KIFC3: variants seen among roughly 807,000 people sequenced by gnomAD.
The protein encoded by KIFC3 is kinesin family member C3.
KIFC3 carries 60 observed loss-of-function variants against 101.8 expected under a neutral mutation model. The observed-to-expected ratio is 0.59, with a 90% confidence interval of 0.48 to 0.73. The LOEUF (loss-of-function observed/expected upper bound fraction) is 0.73. KIFC3 is among the 30% of genes least tolerant of loss of function. The pLI is 0.00. For missense variants in KIFC3, 966 were observed against 1,137.1 expected (o/e 0.85, Z 2.16); for synonymous variants, 476 against 482.7 (o/e 0.99, Z 0.18).
chr16:57,857,866 G>A (rs549864602), intron 1 of KIFC3, among the ~76,000 whole-genome samples: 1,124 of 110,122 alleles, frequency 0.01, 7 homozygotes, highest in Non-Finnish European at 0.015. Flanking sequence ...TCTCTCTGTC[G>A]CCCAGGCTGG....
rs2050949852 is a variant in KIFC3 at position 57,769,956 on chromosome 16, C to T, written c.940-1G>A. On this transcript the variant is annotated splice_acceptor_variant, in intron 7 of 19. Transcript: ENST00000445690. LOFTEE classifies it high-confidence loss of function. The surrounding 1 kb of genome is among the most constrained non-coding windows in gnomAD (Gnocchi z 4.3). ...CCAGCTCTGACTCGTACATGGCAATCTGGCCAGACCAGGAAAAGGCTCAGT... is the reference window on the plus strand; with the variant it reads ...CCAGCTCTGACTCGTACATGGCAATTTGGCCAGACCAGGAAAAGGCTCAGT... 6.2e-7 allele frequency: 1 copy of T among 1,611,116 alleles called. No individual in the cohort carries two copies. The highest frequency in any genetic ancestry group is 8.5e-7 in the Non-Finnish European group (1 of 1,179,782).
chr16:57,769,945 T>G lies in KIFC3; in HGVS notation c.950A>C (p.Tyr317Ser), dbSNP rs202151692. Reference sequence around the variant, plus strand: ...ATGGGCCCGCTCCAGCTCTGACTCGTACATGGCAATCTGGCCAGACCAGGA... The same window carrying G: ...ATGGGCCCGCTCCAGCTCTGACTCGGACATGGCAATCTGGCCAGACCAGGA... The part of the protein sequence containing the change: ...TARLRAQIAM[Y>S]ESELERAHGQ... The change falls in exon 8 of 20, where the codon TAC (tyrosine) becomes TCC (serine). Residue 317 changes from tyrosine (Y) to serine (S), a missense_variant. By Grantham distance (144) the Tyr-to-Ser change is moderately radical. Around this residue, in one of 2 missense-constraint regions of KIFC3, gnomAD observed 689 missense variants for 884.6 expected, o/e 0.78. Transcript: ENST00000445690. This position sits in a 1 kb window ranked among gnomAD's most constrained non-coding sequence, Gnocchi z 4.3. 2 of 1,612,394 alleles carry G rather than the reference T, an allele frequency of 1.2e-6. No homozygotes were observed. Among genetic ancestry groups the G allele is most frequent in the Non-Finnish European group, 1.7e-6 (2 of 1,179,952 alleles).
intron 3 of KIFC3, among the ~76,000 whole-genome samples, chr16:57,784,997 T>A (rs1299445941): frequency 6.6e-6 from 1 of 152,172 alleles, no homozygotes; most frequent in Non-Finnish European, 1.5e-5. Context: ...CAAACTAGCA[T>A]CCACCTTTAA....
intron 1 of KIFC3, among the ~76,000 whole-genome samples, chr16:57,854,781 C>T (rs548758778): frequency 6.6e-6 from 1 of 152,282 alleles, no homozygotes; most frequent in African/African-American, 2.4e-5. Flanking sequence ...TAAACCAAAT[C>T]TCAACAAATT....
At chr16:57,764,310 A>T in intron 11 of KIFC3, 63 bp from the exon 12 acceptor site, 1 of 1,011,026 alleles carries the variant, frequency 9.9e-7, no homozygotes, top group Non-Finnish European at 1.5e-6. Flanking sequence ...ACCACCAGCT[A>T]CAAGTCCAGC....
At position 57,790,953 on chromosome 16, in the gene KIFC3, G is replaced by A. The variant is rs530081945; in HGVS notation, c.315+4046C>T. On this transcript the variant is annotated intron_variant, in intron 3 of 19. Transcript: ENST00000445690. ...ACCTCTTATATTTAGGAATATTCCT[G>A]CTGGGCGCAGTGGCTCACACCTGTA... The A allele has an allele frequency of 2.0e-5, 20 of 984,986 alleles. No homozygotes were observed. In the African/African-American group the frequency reaches 2.6e-4, roughly 13 times the overall value. 61.0% of individuals were successfully genotyped at this position (984,986 alleles called of 1,614,324 possible). A position where few individuals can be genotyped will look rare whatever the true frequency, so the allele number is the denominator to read the frequency against.
chr16:57,770,080 AC>A, intron 7 of KIFC3, 125 bp from the exon 8 acceptor site: 1 of 1,163,184 alleles, frequency 8.6e-7, no homozygotes, highest in Non-Finnish European at 1.2e-6. Context: ...ACATGTGCAC[AC>A]CCAGAGGGGC....
chr16:57,854,596 C>G (rs1235688224), intron 1 of KIFC3, among the ~76,000 whole-genome samples: 3 of 150,512 alleles, frequency 2.0e-5, no homozygotes, highest in Non-Finnish European at 4.4e-5. Context: ...CCACTCCACT[C>G]CAGCCTGGGT....
chr16:57,767,085 CTGAG>C, intron 9 of KIFC3, 100 bp from the exon 10 acceptor site: 1 of 849,196 alleles, frequency 1.2e-6, no homozygotes, highest in Non-Finnish European at 1.9e-6. Flanking sequence ...CTGCCCCTGG[CTGAG>C]TACCTGACAC....
upstream of KIFC3, chr16:57,808,085 A>C (rs2054983684): frequency 6.6e-6 from 1 of 152,114 alleles, no homozygotes; most frequent in Admixed American, 6.6e-5. Flanking sequence ...AGTTTAGGGG[A>C]ACCTAAAGCC....
chr16:57,767,671 G>C (rs537172779), intron 9 of KIFC3, among the ~76,000 whole-genome samples: 1 of 152,040 alleles, frequency 6.6e-6, no homozygotes, highest in Non-Finnish European at 1.5e-5. Context: ...GTCTTGCTCT[G>C]TTGCCCAGGC....
chr16:57,858,866 C>T (rs899561172), intron 1 of KIFC3, among the ~76,000 whole-genome samples: 2 of 152,144 alleles, frequency 1.3e-5, no homozygotes, highest in African/African-American at 4.8e-5. Flanking sequence ...ACGAGAATAG[C>T]TTGAACTGGG....
chr16:57,765,285 TA>T (rs2050358216), intron 11 of KIFC3, among the ~76,000 whole-genome samples, 173 bp downstream of exon 11: 1 of 152,068 alleles, frequency 6.6e-6, no homozygotes, highest in African/African-American at 2.4e-5. Flanking sequence ...GCTTCAGTCT[TA>T]ACTTCCCACC....
intron 9 of KIFC3, among the ~76,000 whole-genome samples, chr16:57,768,958 G>A (rs1427284758): frequency 2.0e-5 from 3 of 152,126 alleles, no homozygotes; most frequent in Non-Finnish European, 4.4e-5. Flanking sequence ...CTTGAAGCCA[G>A]GAGTTCAAGA....
At chr16:57,771,481 C>T (rs1597966192) in intron 5 of KIFC3, 44 bp from the exon 6 acceptor site, 5 of 1,610,840 alleles carry the variant, frequency 3.1e-6, no homozygotes, top group Non-Finnish European at 4.2e-6. Flanking sequence ...GGGACAGGCT[C>T]ACTGTGAGGA....
In KIFC3 at chr16:57,840,113, G is replaced by A. The variant is rs60238598; in HGVS notation, c.108+22616C>T. On this transcript the variant is annotated intron_variant, in intron 1 of 2. Transcript: ENST00000563028. ...AGCACTTTGAGAGGCCAAGGTAGGC[G>A]GATCACCTGAGGTCAGCAGTTCAAG... Among the ~76,000 whole-genome samples the A allele has an allele frequency of 7.4e-3, 1,119 of 151,546 alleles. 21 individuals are homozygous for A. Among genetic ancestry groups the A allele is most frequent in the South Asian group, 0.044 (208 of 4,774 alleles).
At chr16:57,816,237 C>A (rs1477404) in intron 1 of KIFC3, 41 of 1,288,242 alleles carry the variant, frequency 3.2e-5, no homozygotes, top group Non-Finnish European at 3.9e-5. Context: ...AACCGAGGCC[C>A]GGAAAGTGTC....
intron 1 of KIFC3, among the ~76,000 whole-genome samples, chr16:57,808,758 C>G (rs183110586): frequency 6.6e-6 from 1 of 152,168 alleles, no homozygotes; most frequent in Non-Finnish European, 1.5e-5. Context: ...CCAGGCAGAC[C>G]TGGGTTTGAG....
At chr16:57,853,234 C>T (rs111258453) in intron 1 of KIFC3, among the ~76,000 whole-genome samples, 13,007 of 152,014 alleles carry the variant, frequency 0.086, 958 homozygotes, top group East Asian at 0.21. Flanking sequence ...GCCTGGCCAA[C>T]ATGGTGAAAC....
Sources: gnomAD v4.1 joint callset for allele counts (sites outside exome capture counted in the v4.1 genomes callset) on GRCh38, gnomAD v4.1.1 for gene constraint, gnomAD v4.1.1 regional missense constraint, Gnocchi (gnomAD v3.1) non-coding constraint, MANE v1.5 for transcripts, NCBI Gene and HGNC (gene_info 2026-07-23, HGNC 2026-07-21) for gene names.